ADAM8: variants seen among roughly 807,000 people sequenced by gnomAD.
The protein encoded by ADAM8 is disintegrin and metalloproteinase domain-containing protein 8.
In ADAM8, 104 loss-of-function variants were observed where a neutral mutation model predicts 102.4. The observed-to-expected ratio is 1.02, with a 90% confidence interval of 0.87 to 1.20. The LOEUF is 1.20. Among genes scored for constraint, ADAM8 ranks in the 50% most tolerant of loss-of-function variants. The pLI, the probability that ADAM8 is intolerant of heterozygous loss-of-function variation, is 0.00. For missense variants in ADAM8, 1,132 were observed against 1,159.0 expected, an observed-to-expected ratio of 0.98 and a Z score of 0.34; for synonymous variants, 517 against 485.2, an observed-to-expected ratio of 1.07 and a Z score of -0.86.
chr10:133,274,099 G>A lies in ADAM8; in HGVS notation c.227+60C>T, dbSNP rs1009800718. The stretch of plus-strand genomic sequence containing the variant: ...GAGGCTGGCCCAGAGGCTGGACGCC[G>A]GGGACACCAGTGTGCTGGAGCCAGG... On this transcript the variant is annotated intron_variant, in intron 3 of 22. Transcript: ENST00000445355. 62 of 1,584,062 alleles carry A rather than the reference G, an allele frequency of 3.9e-5. 1 individual carries two copies. Among genetic ancestry groups the A allele is most frequent in the South Asian group, 3.8e-4 (33 of 87,910 alleles).
chr10:133,274,809 C>A (rs923349008), intron 2 of ADAM8: 5 of 421,076 alleles, frequency 1.2e-5, no homozygotes, highest in Admixed American at 7.7e-5. Flanking sequence ...GTGGTGCCTG[C>A]AGAGCCTCCT....
intron 4 of ADAM8, 40 bp downstream of exon 4, chr10:133,273,911 G>T: frequency 6.4e-7 from 1 of 1,564,886 alleles, no homozygotes. Flanking sequence ...GGGCCGCCCA[G>T]CCCCTACCTG....
rs1265502043 is a variant in ADAM8 at position 133,269,922 on chromosome 10, C to T, written c.1838G>A (p.Cys613Tyr). ...CCCATGGTTGTGGCACTGGGCAGAG[C>T]AGTTGCTGGATCTGTAAACGTGTAA... Reference protein sequence around the residue: ...QDLHVYRSSNCSAQCHNHGVC... With the variant: ...QDLHVYRSSNYSAQCHNHGVC... The change falls in exon 17 of 23, where the codon TGC (cysteine) becomes TAC (tyrosine). Residue 613 changes from cysteine (C) to tyrosine (Y), a missense_variant. Coordinates refer to ENST00000445355, the MANE Select transcript of ADAM8 (RefSeq NM_001109.5). 1.2e-6 allele frequency: 2 copies of T among 1,612,794 alleles called. No individual in the cohort carries two copies.
chr10:133,276,668 T>A, intron 1 of ADAM8, 104 bp downstream of exon 1: 1 of 1,439,284 alleles, frequency 6.9e-7, no homozygotes, highest in East Asian at 2.9e-5. Flanking sequence ...CGGGCCAGGG[T>A]GCGGGGTGCG....
At chr10:133,266,315 A>G (rs945770950) in intron 21 of ADAM8, among the ~76,000 whole-genome samples, 1 of 152,130 alleles carries the variant, frequency 6.6e-6, no homozygotes, top group African/African-American at 2.4e-5. Flanking sequence ...GCGCGCCCAC[A>G]CTGTGGCCAT....
At chr10:133,265,146 A>C (rs371901423) in intron 21 of ADAM8, among the ~76,000 whole-genome samples, 1 of 96,776 alleles carries the variant, frequency 1.0e-5, no homozygotes. Context: ...CTCCATGCCC[A>C]GCTCCTGCTG....
intron 18 of ADAM8, 188 bp from the exon 19 acceptor site, chr10:133,269,050 G>C: frequency 1.0e-6 from 1 of 985,478 alleles, no homozygotes; most frequent in South Asian, 4.7e-5. Flanking sequence ...TTGGCAGGGT[G>C]GCCCTGGGCC....
chr10:133,274,847 T>A (rs1042375378), intron 2 of ADAM8: 3 of 434,026 alleles, frequency 6.9e-6, no homozygotes, highest in East Asian at 8.1e-5. Context: ...CCAGCCCCCA[T>A]GTGCAGGCTG....
At chr10:133,268,504 C>T (rs1002804739) in intron 19 of ADAM8, among the ~76,000 whole-genome samples, 3 of 152,144 alleles carry the variant, frequency 2.0e-5, no homozygotes, top group African/African-American at 4.8e-5. Flanking sequence ...CAAGCCCAAC[C>T]GGCCACCAAA....
chr10:133,271,171 G>A, intron 13 of ADAM8, 29 bp downstream of exon 13: 1 of 1,604,422 alleles, frequency 6.2e-7, no homozygotes, highest in Non-Finnish European at 8.5e-7. Context: ...CATGGGCTCT[G>A]GGGGTCACTG....
In ADAM8 at chr10:133,271,236, G is replaced by A. The variant is rs747422896; in HGVS notation, c.1338C>T (p.Ala446=). ...GGCAGCAGGTACCGTGCGCACACTGGGCCCCCTCAGCCAGCTGGCAGGTGG... is the reference window on the plus strand; with the variant it reads ...GGCAGCAGGTACCGTGCGCACACTGAGCCCCCTCAGCCAGCTGGCAGGTGG... ...NSTTCQLAEG[A]QCAHGTCCQE... Residue 446 remains alanine, a synonymous_variant, in exon 13 of 23, where the codon GCC becomes GCT. Coordinates refer to ENST00000445355, the MANE Select transcript of ADAM8 (RefSeq NM_001109.5). The A allele has an allele frequency of 6.2e-7, 1 of 1,611,708 alleles. No homozygotes were observed. Among genetic ancestry groups the A allele is most frequent in the Admixed American group, 1.7e-5 (1 of 59,940 alleles).
At chr10:133,274,070 C>A in intron 3 of ADAM8, 41 bp from the exon 4 acceptor site, 1 of 1,593,668 alleles carries the variant, frequency 6.3e-7, no homozygotes, top group Admixed American at 1.8e-5. Flanking sequence ...CCCCTCGGTG[C>A]AGAGAGGCTG....
chr10:133,275,337 C>A (rs938279970), intron 2 of ADAM8, 147 bp downstream of exon 2: 2 of 602,684 alleles, frequency 3.3e-6, no homozygotes, highest in Non-Finnish European at 5.7e-6. Flanking sequence ...GAGGGAGGAA[C>A]GGAGATGGGC....
At chr10:133,266,800 C>T (rs1846334452) in intron 21 of ADAM8, among the ~76,000 whole-genome samples, 1 of 152,142 alleles carries the variant, frequency 6.6e-6, no homozygotes, top group Non-Finnish European at 1.5e-5. Flanking sequence ...ATGAGCTGCC[C>T]CCACGGGGTC....
rs1421875808 is a variant in ADAM8, at chr10:133,272,576, T to G, written c.715A>C (p.Lys239Gln). ...VVNHVDKLYQ[K>Q]LNFRVVLVGL... ...ACCAGGACCACACGGAAGTTGAGTT[T>G]CTGATATAGCTGGAGAGGTGGTGGA... Residue 239 changes from lysine to glutamine, a missense_variant, in exon 9 of 23, where the codon AAA becomes CAA. Coordinates refer to ENST00000445355, the MANE Select transcript of ADAM8 (RefSeq NM_001109.5). 6.2e-7 allele frequency: 1 copy of G among 1,609,668 alleles called. No individual in the cohort carries two copies. Among genetic ancestry groups the G allele is most frequent in the Non-Finnish European group, 8.5e-7 (1 of 1,178,644 alleles).
At chr10:133,274,780 C>G (rs1323480695) in intron 2 of ADAM8, 1 of 383,936 alleles carries the variant, frequency 2.6e-6, no homozygotes, top group African/African-American at 2.1e-5. Flanking sequence ...CCCATCCCTT[C>G]CAGCAGCTGC....
chr10:133,268,076 CAG>C lies in ADAM8; in HGVS notation c.2104_2105del (p.Leu702ValfsTer97), dbSNP rs755809184. On this transcript the variant is annotated frameshift_variant, in exon 20 of 23. Transcript: ENST00000445355. LOFTEE classifies it high-confidence loss of function. ...GCACGCGGCTGGCAGCCTGGTGGAA[CAG>C]GGGGTTGGAGCGCCCCATTGTGGTC... ...PKTTMGRSNP[L>X]FHQAASRVPA... 167 of 1,274,300 alleles carry C rather than the reference CAG, an allele frequency of 1.3e-4. 1 individual carries two copies. The African/African-American group carries it at 2.1e-3, about 16-fold the overall frequency. The allele number at this position is 1,274,300 out of a possible 1,614,324, so 78.9% of individuals were successfully genotyped here.
In ADAM8 at chr10:133,275,114, G is replaced by A. The variant is rs1564928651; in HGVS notation, c.150+370C>T. 2.5e-5 allele frequency: 8 copies of A among 314,570 alleles called. 1 individual carries two copies. Among genetic ancestry groups the A allele is most frequent in the South Asian group, 1.6e-4 (5 of 31,368 alleles). 19.5% of individuals were successfully genotyped at this position (314,570 alleles called of 1,614,324 possible). A position where few individuals can be genotyped will look rare whatever the true frequency, so the allele number is the denominator to read the frequency against. On this transcript the variant is annotated intron_variant, in intron 2 of 22. Coordinates refer to ENST00000445355, the MANE Select transcript of ADAM8 (RefSeq NM_001109.5). ...GGGGCATTCTCAGTTTCTAGCCCTGGGAAACCCCCGCCAGGCCCCCCCCCC... is the reference window on the plus strand; with the variant it reads ...GGGGCATTCTCAGTTTCTAGCCCTGAGAAACCCCCGCCAGGCCCCCCCCCC...
Position 133,271,630 on chromosome 10 carries a change from C to T in ADAM8, c.1182G>A (p.Val394=), listed in dbSNP as rs1186016356. 4 of 1,555,356 alleles carry T rather than the reference C, an allele frequency of 2.6e-6. No homozygotes were observed. The highest frequency in any genetic ancestry group is 2.0e-5 in the Admixed American group (1 of 51,210). The part of the protein sequence containing the change: ...LESFLERPQS[V]CLANAPDLSH... ...TGAGGTCAGGGGCGTTGGCGAGGCACACCGACTGCGGCCGCTCCAAAAAGC... is the reference window on the plus strand; with the variant it reads ...TGAGGTCAGGGGCGTTGGCGAGGCATACCGACTGCGGCCGCTCCAAAAAGC... The change falls in exon 12 of 23, where the codon GTG becomes GTA. Residue 394 remains valine (V), a synonymous_variant. Transcript: ENST00000445355.
Sources: gnomAD v4.1 joint callset for allele counts (sites outside exome capture counted in the v4.1 genomes callset) on GRCh38, gnomAD v4.1.1 for gene constraint, MANE v1.5 for transcripts, NCBI Gene and HGNC (gene_info 2026-07-23, HGNC 2026-07-21) for gene names.